GALNT17: variants seen among roughly 807,000 people sequenced by gnomAD.
GALNT17 encodes UDP-GalNAc:polypeptide N-acetylgalactosaminyltransferase-like 3.
In GALNT17, 29 loss-of-function variants were observed where a neutral mutation model predicts 63.7. The ratio of observed to expected loss-of-function variants is 0.46; its 90% confidence interval spans 0.34 to 0.62. GALNT17 has a LOEUF of 0.62. Among genes scored for constraint, GALNT17 ranks in the 20% least tolerant of loss-of-function variants. The pLI is 0.01. For synonymous variants in GALNT17, 305 were observed against 318.3 expected (o/e 0.96, Z 0.45); for missense variants, 603 against 799.6 (o/e 0.75, Z 2.97).
intron 1 of GALNT17, among the ~76,000 whole-genome samples, chr7:71,289,841 T>A (rs1225048615): frequency 6.6e-6 from 1 of 151,198 alleles, no homozygotes; most frequent in Non-Finnish European, 1.5e-5. Context: ...ATCGTGCCGT[T>A]GCATTCCAGC....
chr7:71,270,538 CAAA>C (rs573250852), intron 1 of GALNT17, among the ~76,000 whole-genome samples: 24,875 of 89,374 alleles, frequency 0.28, 1,685 homozygotes, highest in Admixed American at 0.36. Context: ...CCCACCCCAC[CAAA>C]AAAAAAAAAA....
intron 2 of GALNT17, among the ~76,000 whole-genome samples, chr7:71,375,312 T>C (rs1792700904): frequency 6.6e-6 from 1 of 152,174 alleles, no homozygotes; most frequent in Admixed American, 6.5e-5. Flanking sequence ...TGGTAATACG[T>C]TTCTCATTTC....
chr7:71,235,564 C>T (rs978257204), intron 1 of GALNT17, among the ~76,000 whole-genome samples: 1 of 152,134 alleles, frequency 6.6e-6, no homozygotes, highest in Non-Finnish European at 1.5e-5. Context: ...TTCCATAAGA[C>T]CAGAAAATAC....
intron 6 of GALNT17, among the ~76,000 whole-genome samples, chr7:71,651,239 AAAG>A (rs1790750088): frequency 6.6e-6 from 1 of 150,566 alleles, no homozygotes; most frequent in Non-Finnish European, 1.5e-5. Context: ...AAAAAAAAAA[AAAG>A]GAAGGGAGGT....
intron 5 of GALNT17, among the ~76,000 whole-genome samples, chr7:71,504,835 C>G (rs1050121219): frequency 6.6e-6 from 1 of 152,098 alleles, no homozygotes; most frequent in African/African-American, 2.4e-5. Context: ...CTCAATGCTA[C>G]GTCCTGAATA....
At position 71,342,129 on chromosome 7, in the gene GALNT17, T is replaced by C. The variant is rs527435402; in HGVS notation, c.422+6396T>C. 6.2e-4 allele frequency among the ~76,000 whole-genome samples: 95 copies of C among 152,330 alleles called. 1 individual carries two copies. The highest frequency in any genetic ancestry group is 2.1e-3 in the African/African-American group (89 of 41,564). On this transcript the variant is annotated intron_variant, in intron 2 of 10. Transcript: ENST00000333538. ...AAGGAATACCTGAGACTGGGTTATT[T>C]ATAAATATAAGAAGTTTAATTGGCT...
At chr7:71,605,345 T>G (rs1024808408) in intron 6 of GALNT17, among the ~76,000 whole-genome samples, 2 of 152,084 alleles carry the variant, frequency 1.3e-5, no homozygotes, top group Admixed American at 1.3e-4. Flanking sequence ...CTCAGCACTT[T>G]GGGAGGCCGA....
rs552289399 is a variant in GALNT17, at chr7:71,505,697, G to T, written c.963-65588G>T. On this transcript the variant is annotated intron_variant, in intron 5 of 10. Coordinates refer to ENST00000333538, the MANE Select transcript of GALNT17 (RefSeq NM_022479.3). ...TCTTGGAAGGCCATGTGCTTCTCCT[G>T]CCATGTCCAGCTTCAGTGATTCTGC... Among the ~76,000 whole-genome samples, 314 of 152,304 alleles carry T rather than the reference G, an allele frequency of 2.1e-3. 3 individuals are homozygous for T. Among genetic ancestry groups the T allele is most frequent in the African/African-American group, 7.0e-3 (292 of 41,562 alleles).
Position 71,171,053 on chromosome 7 carries a change from A to T in GALNT17, c.238+38013A>T, listed in dbSNP as rs184653154. Among the ~76,000 whole-genome samples the T allele has an allele frequency of 1.6e-3, 241 of 152,294 alleles. 3 individuals are homozygous for T. The highest frequency in any genetic ancestry group is 3.0e-3 in the Non-Finnish European group (201 of 68,026). On this transcript the variant is annotated intron_variant, in intron 1 of 10. Transcript: ENST00000333538. ...AAAATGAGTTTGAGGAAGAAACAGG[A>T]CAAGGGTAAAAATTTAAAAGAAGCC...
In GALNT17 at chr7:71,711,999, C is replaced by T. The variant is rs773331278; in HGVS notation, c.1669-19C>T. 12 of 1,613,532 alleles carry T rather than the reference C, an allele frequency of 7.4e-6. No individual in the cohort carries two copies. Among genetic ancestry groups the T allele is most frequent in the South Asian group, 1.1e-5 (1 of 91,040 alleles). ...TCCTCTCTCTCTTCTCCTCTCTTCTCGATTTTGCCCCCTCCCAGAATGGAG... is the reference window on the plus strand; with the variant it reads ...TCCTCTCTCTCTTCTCCTCTCTTCTTGATTTTGCCCCCTCCCAGAATGGAG... On this transcript the variant is annotated intron_variant, in intron 10 of 10. Transcript: ENST00000333538.
At chr7:71,674,141 G>A (rs761993745) in intron 8 of GALNT17, among the ~76,000 whole-genome samples, 166 of 151,956 alleles carry the variant, frequency 1.1e-3, no homozygotes, top group Non-Finnish European at 1.4e-3. Flanking sequence ...ACATTCTATC[G>A]GAAATATAAA....
chr7:71,368,106 T>A (rs548592604), intron 2 of GALNT17, among the ~76,000 whole-genome samples: 9 of 152,250 alleles, frequency 5.9e-5, no homozygotes, highest in African/African-American at 2.2e-4. Context: ...AGGGGGAGGA[T>A]TGTGATCTGG....
intron 2 of GALNT17, among the ~76,000 whole-genome samples, chr7:71,380,639 G>T (rs1436064120): frequency 1.3e-5 from 2 of 152,118 alleles, no homozygotes; most frequent in Non-Finnish European, 1.5e-5. Context: ...TACTTAAATG[G>T]GAGGGAGTTG....
At chr7:71,327,999 A>AG (rs1377785678) in intron 1 of GALNT17, among the ~76,000 whole-genome samples, 1 of 152,154 alleles carries the variant, frequency 6.6e-6, no homozygotes, top group African/African-American at 2.4e-5. Context: ...ACCCAAAGCC[A>AG]GGGGGGCAGG....
chr7:71,675,111 G>A (rs1450770476), intron 8 of GALNT17, among the ~76,000 whole-genome samples: 2 of 152,150 alleles, frequency 1.3e-5, no homozygotes, highest in African/African-American at 4.8e-5. Flanking sequence ...TTGAACCCAG[G>A]AGGTGGAGGT....
intron 8 of GALNT17, among the ~76,000 whole-genome samples, chr7:71,674,525 C>CT (rs1055736713): frequency 4.6e-5 from 7 of 151,558 alleles, no homozygotes; most frequent in African/African-American, 9.7e-5. Context: ...ACAACTTTTT[C>CT]TTTTTTTTGA....
intron 6 of GALNT17, among the ~76,000 whole-genome samples, chr7:71,658,117 G>A (rs1352078430): frequency 2.0e-5 from 3 of 152,124 alleles, no homozygotes; most frequent in African/African-American, 7.2e-5. Flanking sequence ...ATGTTGCCCA[G>A]GCTGGTCTTG....
intron 3 of GALNT17, among the ~76,000 whole-genome samples, chr7:71,414,207 T>A (rs1271121825): frequency 6.6e-6 from 1 of 152,028 alleles, no homozygotes; most frequent in South Asian, 2.1e-4. Flanking sequence ...CGCCACTGCA[T>A]TTCAGCCTGG....
At chr7:71,377,865 T>G (rs1171868121) in intron 2 of GALNT17, among the ~76,000 whole-genome samples, 1 of 152,204 alleles carries the variant, frequency 6.6e-6, no homozygotes, top group Non-Finnish European at 1.5e-5. Context: ...AAGAAGGTGC[T>G]TGCTTCCCTG....
Sources: gnomAD v4.1 joint callset for allele counts (sites outside exome capture counted in the v4.1 genomes callset) on GRCh38, gnomAD v4.1.1 for gene constraint, MANE v1.5 for transcripts, NCBI Gene and HGNC (gene_info 2026-07-23, HGNC 2026-07-21) for gene names.